The following ATXN1 variants were observed in gnomAD, a reference collection of about 807,000 sequenced individuals.
The protein encoded by ATXN1 is ataxin-1.
In ATXN1, 8 loss-of-function variants were observed where a neutral mutation model predicts 56.4. The ratio of observed to expected loss-of-function variants is 0.14; its 90% confidence interval spans 0.08 to 0.26. ATXN1 has a LOEUF of 0.26. ATXN1 is among the 10% of genes least tolerant of loss of function. The pLI, the probability that ATXN1 is intolerant of heterozygous loss-of-function variation, is 1.00. For synonymous variants in ATXN1, 514 were observed against 494.6 expected (o/e 1.04, Z -0.52); for missense variants, 987 against 1,106.5 (o/e 0.89, Z 1.53).
At chr6:16,750,009 A>G (rs1760662175) in intron 2 of ATXN1, 1 of 152,358 alleles carries the variant, frequency 6.6e-6, no homozygotes, top group Admixed American at 6.5e-5. Flanking sequence ...AGACACACAC[A>G]TGGCCTTCCT....
At chr6:16,510,223 T>A (rs1761056034) in intron 5 of ATXN1, among the ~76,000 whole-genome samples, 1 of 152,220 alleles carries the variant, frequency 6.6e-6, no homozygotes, top group Non-Finnish European at 1.5e-5. Flanking sequence ...TTCCTCAAAG[T>A]GTCTTCCTGG....
At chr6:16,459,836 T>C (rs1759954064) in intron 6 of ATXN1, among the ~76,000 whole-genome samples, 1 of 152,170 alleles carries the variant, frequency 6.6e-6, no homozygotes. Flanking sequence ...TGGCTACCAG[T>C]TCGGAAGCTT....
intron 6 of ATXN1, among the ~76,000 whole-genome samples, chr6:16,405,231 G>A (rs1322667753): frequency 6.6e-6 from 1 of 152,162 alleles, no homozygotes; most frequent in Non-Finnish European, 1.5e-5. Context: ...GCCAACTTTT[G>A]ATTAAAGACA....
At chr6:16,467,158 C>T (rs1760124840) in intron 6 of ATXN1, among the ~76,000 whole-genome samples, 1 of 152,246 alleles carries the variant, frequency 6.6e-6, no homozygotes, top group Non-Finnish European at 1.5e-5. Context: ...GACAGACCCC[C>T]ACCCACACAT....
intron 4 of ATXN1, among the ~76,000 whole-genome samples, chr6:16,537,814 G>C (rs907088798): frequency 4.0e-5 from 6 of 151,542 alleles, no homozygotes; most frequent in Non-Finnish European, 5.9e-5. Context: ...GCTAAAAAAG[G>C]TGTCTTGGCC....
In ATXN1 at chr6:16,380,909, A is replaced by G. The variant is rs1368364834; in HGVS notation, c.-160-52439T>C. ...CCTCTGAATGTGAACTTACTTGGAA[A>G]TAGGGTTGTTGCAGATATAATTAGT... On this transcript the variant is annotated intron_variant, in intron 6 of 7. Transcript: ENST00000436367. Among the ~76,000 whole-genome samples, 7 of 152,332 alleles carry G rather than the reference A, an allele frequency of 4.6e-5. 1 individual carries two copies. Among genetic ancestry groups the G allele is most frequent in the African/African-American group, 1.7e-4 (7 of 41,570 alleles).
At chr6:16,455,527 C>T (rs1380191168) in intron 6 of ATXN1, among the ~76,000 whole-genome samples, 1 of 152,162 alleles carries the variant, frequency 6.6e-6, no homozygotes, top group Non-Finnish European at 1.5e-5. Context: ...CAAAGCTAAA[C>T]ATACTCTTAA....
intron 4 of ATXN1, among the ~76,000 whole-genome samples, chr6:16,523,090 T>TG (rs1178956435): frequency 6.6e-6 from 1 of 152,188 alleles, no homozygotes; most frequent in East Asian, 1.9e-4. Flanking sequence ...TCTGTAGAGA[T>TG]GGGGTCTCAC....
intron 6 of ATXN1, among the ~76,000 whole-genome samples, chr6:16,454,119 CTG>C (rs1213322313): frequency 8.6e-5 from 8 of 92,492 alleles, no homozygotes; most frequent in African/African-American, 3.9e-4. Flanking sequence ...GAGCGAGACT[CTG>C]TCTCAAAAAA....
At chr6:16,681,504 C>T (rs188351725) in intron 2 of ATXN1, among the ~76,000 whole-genome samples, 5 of 152,360 alleles carry the variant, frequency 3.3e-5, no homozygotes, top group African/African-American at 1.2e-4. Flanking sequence ...TTTGGCACTC[C>T]TGCCTCATGC....
In ATXN1 at chr6:16,302,546, GC is replaced by G. The variant is rs1760134376; in HGVS notation, c.*3782del. ...CTCTGTATCCCTCCCTCCCCCCTCT[GC>G]CCCAGTGTGGCCCAGACAAACTGAA... On this transcript the variant is annotated 3_prime_UTR_variant, in exon 8 of 8. Coordinates refer to ENST00000436367, the MANE Select transcript of ATXN1 (RefSeq NM_001128164.2). 6.6e-6 allele frequency: 1 copy of G among 152,520 alleles called. No homozygotes were observed. Among genetic ancestry groups the G allele is most frequent in the Admixed American group, 6.5e-5 (1 of 15,268 alleles). 9.4% of individuals were successfully genotyped at this position (152,520 alleles called of 1,614,324 possible).
chr6:16,418,773 T>C (rs1325011132), intron 6 of ATXN1, among the ~76,000 whole-genome samples: 1 of 139,968 alleles, frequency 7.1e-6, no homozygotes, highest in Non-Finnish European at 1.5e-5. Flanking sequence ...TGTCCATGTG[T>C]TCTCATTGTT....
chr6:16,703,993 C>T (rs181637160), intron 2 of ATXN1, among the ~76,000 whole-genome samples: 2 of 152,184 alleles, frequency 1.3e-5, no homozygotes, highest in Non-Finnish European at 2.9e-5. Context: ...CACTCCAGTG[C>T]AGGCAACAAG....
chr6:16,341,922 C>G (rs895863018), intron 6 of ATXN1, among the ~76,000 whole-genome samples: 1 of 140,060 alleles, frequency 7.1e-6, no homozygotes, highest in Non-Finnish European at 1.5e-5. Context: ...CGCTCTGTCA[C>G]CCAGGCTGGT....
chr6:16,424,053 T>G (rs1329422445), intron 6 of ATXN1, among the ~76,000 whole-genome samples: 1 of 152,186 alleles, frequency 6.6e-6, no homozygotes, highest in African/African-American at 2.4e-5. Context: ...CACATGATCC[T>G]CCAGGTAATC....
intron 6 of ATXN1, among the ~76,000 whole-genome samples, chr6:16,341,010 A>T (rs996478253): frequency 2.0e-5 from 3 of 152,214 alleles, no homozygotes; most frequent in African/African-American, 7.2e-5. Flanking sequence ...TGTTGGAGCA[A>T]TGGGGGAACA....
intron 3 of ATXN1, among the ~76,000 whole-genome samples, chr6:16,624,606 T>C (rs765505586): frequency 9.2e-5 from 14 of 152,288 alleles, no homozygotes; most frequent in South Asian, 2.1e-4. Context: ...TTCTGCACCA[T>C]AGATTGAGCA....
chr6:16,420,392 G>A (rs146242089), intron 6 of ATXN1, among the ~76,000 whole-genome samples: 13 of 152,228 alleles, frequency 8.5e-5, no homozygotes, highest in African/African-American at 3.1e-4. Context: ...GAGAATGGAG[G>A]GGGGAGCCTA....
chr6:16,566,689 TA>T (rs532749176), intron 4 of ATXN1, among the ~76,000 whole-genome samples: 51 of 151,866 alleles, frequency 3.4e-4, no homozygotes, highest in Middle Eastern at 6.8e-3. Context: ...CCGTCTCTAC[TA>T]AAAATACAAA....
Sources: gnomAD v4.1 joint callset for allele counts (sites outside exome capture counted in the v4.1 genomes callset) on GRCh38, gnomAD v4.1.1 for gene constraint, MANE v1.5 for transcripts, NCBI Gene and HGNC (gene_info 2026-07-23, HGNC 2026-07-21) for gene names.